ZEB1: variants seen among roughly 807,000 people sequenced by gnomAD.
The protein encoded by ZEB1 is zinc finger E-box binding homeobox 1.
ZEB1 carries 21 observed loss-of-function variants against 84.9 expected under a neutral mutation model. The ratio of observed to expected loss-of-function variants is 0.25; its 90% CI spans 0.18 to 0.36. The LOEUF (loss-of-function observed/expected upper bound fraction) is 0.36. ZEB1 is among the 10% of genes least tolerant of loss of function. The pLI, the probability that ZEB1 is intolerant of heterozygous loss-of-function variation, is 1.00. For missense variants in ZEB1, 1,104 were observed against 1,330.2 expected (o/e 0.83, Z 2.65); for synonymous variants, 420 against 471.1 (o/e 0.89, Z 1.41).
chr10:31,451,479 G>A (rs1166202324), intron 1 of ZEB1, among the ~76,000 whole-genome samples: 2 of 152,046 alleles, frequency 1.3e-5, no homozygotes, highest in Non-Finnish European at 2.9e-5. Context: ...TTCACACTTA[G>A]ATTTCGTCAT....
intron 1 of ZEB1, among the ~76,000 whole-genome samples, chr10:31,326,766 A>G (rs1181336577): frequency 6.6e-6 from 1 of 152,242 alleles, no homozygotes; most frequent in Admixed American, 6.5e-5. Flanking sequence ...AGAATGCTTC[A>G]TCATCTCAAA....
chr10:31,521,804 T>C lies in ZEB1; in HGVS notation c.2472T>C (p.Val824=), dbSNP rs569359749. 1.9e-6 allele frequency: 3 copies of C among 1,613,862 alleles called. No individual in the cohort carries two copies. Among genetic ancestry groups the C allele is most frequent in the East Asian group, 2.2e-5 (1 of 44,860 alleles). Residue 824 remains valine (V), a synonymous_variant, in exon 7 of 9, where the codon GTT becomes GTC. Transcript: ENST00000424869. ...TGGCCATTGCTGACCAGAACAGTGT[T>C]CCATGCTTAAGAGCGCTAGCTGCCA... ...TIVAIADQNS[V]PCLRALAANK... is the part of the protein sequence containing the mutation.
At chr10:31,404,129 C>T (rs928150314) in intron 1 of ZEB1, among the ~76,000 whole-genome samples, 2 of 151,924 alleles carry the variant, frequency 1.3e-5, no homozygotes, top group South Asian at 4.2e-4. Flanking sequence ...AGAGCAGGAA[C>T]AATGTACTTG....
chr10:31,431,661 T>C (rs969930250), intron 1 of ZEB1, among the ~76,000 whole-genome samples: 1 of 152,196 alleles, frequency 6.6e-6, no homozygotes. Flanking sequence ...CCTCTGAACC[T>C]AGGTGCTACT....
intron 1 of ZEB1, chr10:31,321,587 G>C: frequency 1.2e-6 from 2 of 1,613,510 alleles, no homozygotes; most frequent in Admixed American, 3.3e-5. Context: ...AATGTTGATC[G>C]CCAGAGAAAG....
At chr10:31,446,327 T>A (rs373824220) in intron 1 of ZEB1, among the ~76,000 whole-genome samples, 1 of 152,138 alleles carries the variant, frequency 6.6e-6, no homozygotes, top group Non-Finnish European at 1.5e-5. Context: ...GTCTTGCTAG[T>A]GGTCTATCAA....
intron 2 of ZEB1, among the ~76,000 whole-genome samples, chr10:31,467,088 T>C (rs765577108): frequency 9.9e-5 from 15 of 152,092 alleles, no homozygotes; most frequent in Non-Finnish European, 2.2e-4. Context: ...CACTGCTGGC[T>C]CAGTATTGCC....
intron 1 of ZEB1, among the ~76,000 whole-genome samples, chr10:31,435,953 A>T (rs2058248266): frequency 6.6e-6 from 1 of 152,172 alleles, no homozygotes; most frequent in South Asian, 2.1e-4. Flanking sequence ...ATTGTTGATG[A>T]TAGACGGGAT....
At chr10:31,409,942 A>G (rs906284024) in intron 1 of ZEB1, among the ~76,000 whole-genome samples, 1 of 152,210 alleles carries the variant, frequency 6.6e-6, no homozygotes, top group African/African-American at 2.4e-5. Flanking sequence ...ATATGCAATC[A>G]TGTCATCTGC....
Position 31,521,009 on chromosome 10 carries a change from T to C in ZEB1, c.1677T>C (p.Pro559=). The change falls in exon 7 of 9, where the codon CCT becomes CCC. Residue 559 remains proline, a synonymous_variant. Coordinates refer to ENST00000424869, the MANE Select transcript of ZEB1 (RefSeq NM_001174096.2). The stretch of plus-strand genomic sequence containing the variant: ...ATGACCTAAAGCAGCCTACTCAGCC[T>C]CCTCCACTCCCTGCAGCAGAAGCTG... ...KHYDLKQPTQ[P]PPLPAAEAEK... is the part of the protein sequence containing the mutation. 6.2e-7 allele frequency: 1 copy of C among 1,614,062 alleles called. No homozygotes were observed. The highest frequency in any genetic ancestry group is 8.5e-7 in the Non-Finnish European group (1 of 1,179,986).
chr10:31,461,363 TAG>T, intron 2 of ZEB1, 126 bp downstream of exon 2: 1 of 983,248 alleles, frequency 1.0e-6, no homozygotes, highest in Non-Finnish European at 1.5e-6. Flanking sequence ...CAATAAATAT[TAG>T]GTGTCCTACT....
rs554187708 is a variant in ZEB1, at chr10:31,364,090, C to T, written c.58+44798C>T. ...CACAGACGAAACTAAGGGTCAGAAG[C>T]GGAGAGGATACTCCTAAGTCACCCA... is the stretch of plus-strand genomic sequence containing the variant. On this transcript the variant is annotated intron_variant, in intron 1 of 8. Transcript: ENST00000424869. Among the ~76,000 whole-genome samples, 3 of 152,240 alleles carry T rather than the reference C, an allele frequency of 2.0e-5. No individual in the cohort carries two copies. The East Asian group carries it at 5.8e-4, about 29-fold the overall frequency.
intron 1 of ZEB1, among the ~76,000 whole-genome samples, chr10:31,448,733 G>C (rs1175900855): frequency 6.6e-6 from 1 of 152,152 alleles, no homozygotes; most frequent in African/African-American, 2.4e-5. Context: ...TAAGGGGTCA[G>C]GGGTCAGGGA....
chr10:31,420,542 C>CT lies in ZEB1; in HGVS notation c.59-40491dup, dbSNP rs528353449. 1.3e-3 allele frequency among the ~76,000 whole-genome samples: 196 copies of CT among 152,318 alleles called. 8 individuals are homozygous for CT. In the South Asian group the frequency reaches 0.038, roughly 30 times the overall value. ...TGAATTCAGGGAAGGCCTAACTCCTCTTTTAAGGGTTCACCTGATTACATC... is the reference window on the plus strand; with the variant it reads ...TGAATTCAGGGAAGGCCTAACTCCTCTTTTTAAGGGTTCACCTGATTACATC... On this transcript the variant is annotated intron_variant, in intron 1 of 8. Coordinates refer to ENST00000424869, the MANE Select transcript of ZEB1 (RefSeq NM_001174096.2).
At chr10:31,331,081 CTTTTTTTTTTTTTTTT>C (rs548615284) in intron 1 of ZEB1, among the ~76,000 whole-genome samples, 4 of 77,872 alleles carry the variant, frequency 5.1e-5, no homozygotes, top group Admixed American at 1.3e-4. Flanking sequence ...TTCTTTCTTT[CTTTTTTTTTTTTTTTT>C]TTTTTTTTTT....
intron 1 of ZEB1, among the ~76,000 whole-genome samples, chr10:31,402,791 A>C (rs186727004): frequency 6.6e-6 from 1 of 152,186 alleles, no homozygotes; most frequent in Admixed American, 6.5e-5. Flanking sequence ...GAAATGCTTG[A>C]CTTGACACCG....
chr10:31,443,519 G>T (rs2059315406), intron 1 of ZEB1, among the ~76,000 whole-genome samples: 1 of 148,044 alleles, frequency 6.8e-6, no homozygotes, highest in Non-Finnish European at 1.5e-5. Context: ...CCACTAACTC[G>T]TCATCTAGCA....
In ZEB1 at chr10:31,433,751, A is replaced by C. The variant is rs185559693; in HGVS notation, c.59-27286A>C. 3.3e-4 allele frequency among the ~76,000 whole-genome samples: 50 copies of C among 152,314 alleles called. 1 individual carries two copies. The highest frequency in any genetic ancestry group is 3.3e-3 in the Admixed American group (50 of 15,292). The stretch of plus-strand genomic sequence containing the variant: ...TTAAGTGAAACTGGCAAATTTTTTA[A>C]CTGGAAATGAGTGGCAGTGAGGGCT... On this transcript the variant is annotated intron_variant, in intron 1 of 8. Coordinates refer to ENST00000424869, the MANE Select transcript of ZEB1 (RefSeq NM_001174096.2).
At chr10:31,423,537 A>G (rs1219477654) in intron 1 of ZEB1, among the ~76,000 whole-genome samples, 3 of 152,134 alleles carry the variant, frequency 2.0e-5, no homozygotes, top group Non-Finnish European at 4.4e-5. Flanking sequence ...GGTTTATGCA[A>G]TAGGTATACT....
Sources: allele counts gnomAD v4.1 joint callset (sites outside exome capture counted in the v4.1 genomes callset), GRCh38; gene constraint gnomAD v4.1.1; transcripts MANE v1.5; gene names NCBI Gene and HGNC (gene_info 2026-07-23, HGNC 2026-07-21).